The following VPS13B variants were observed in gnomAD, a reference collection of about 807,000 sequenced individuals.
The protein encoded by VPS13B is intermembrane lipid transfer protein VPS13B.
Under a neutral mutation model 426.4 loss-of-function variants are expected in VPS13B, and 285 were observed. That is an observed-to-expected ratio of 0.67 (90% CI 0.61 to 0.74). The LOEUF (loss-of-function observed/expected upper bound fraction) is 0.74, where lower values mean the gene tolerates loss of function less well. VPS13B is among the 30% of genes least tolerant of loss of function. The pLI, the probability that VPS13B is intolerant of heterozygous loss-of-function variation, is 0.00. For missense variants in VPS13B, 4,537 were observed against 4,782.6 expected (o/e 0.95, Z 1.51); for synonymous variants, 1,676 against 1,676.4 (o/e 1.00, Z 0.01).
In VPS13B at chr8:99,871,457, TCA is replaced by T; in HGVS notation, c.11506_11507del (p.Gln3836ValfsTer24). 1 of 1,614,168 alleles carries T rather than the reference TCA, an allele frequency of 6.2e-7. No homozygotes were observed. Among genetic ancestry groups the T allele is most frequent in the Non-Finnish European group, 8.5e-7 (1 of 1,180,034 alleles). On this transcript the variant is annotated frameshift_variant, in exon 61 of 62. Transcript: ENST00000357162. LOFTEE classifies it high-confidence loss of function. ...SHVKYVWKML[Q>X]SLGRPEVHMA... ...TTCTCCTTTTAAACAGGAAAATGCT[TCA>T]GTCTCTGGGCAGACCAGAAGTCCAC...
At chr8:99,659,041 C>T (rs1450458543) in intron 34 of VPS13B, among the ~76,000 whole-genome samples, 1 of 152,016 alleles carries the variant, frequency 6.6e-6, no homozygotes, top group Admixed American at 6.6e-5. Flanking sequence ...CACCATGTCA[C>T]CCAGGCTGAT....
At chr8:99,822,805 A>G (rs1814453346) in intron 50 of VPS13B, among the ~76,000 whole-genome samples, 1 of 152,228 alleles carries the variant, frequency 6.6e-6, no homozygotes, top group African/African-American at 2.4e-5. Flanking sequence ...AGAAACTTTT[A>G]AAACACAAGA....
intron 43 of VPS13B, 66 bp from the exon 44 acceptor site, chr8:99,809,307 CTT>C: frequency 6.2e-7 from 1 of 1,600,610 alleles, no homozygotes; most frequent in Non-Finnish European, 8.5e-7. Flanking sequence ...AGCAATGAGA[CTT>C]TCATTTTAGG....
chr8:99,078,229 TTA>T (rs893959563), intron 3 of VPS13B, among the ~76,000 whole-genome samples: 10 of 151,844 alleles, frequency 6.6e-5, no homozygotes, highest in Non-Finnish European at 1.5e-4. Flanking sequence ...CCTTGCTTTT[TTA>T]TGTTTCTTGT....
intron 26 of VPS13B, 128 bp downstream of exon 26, chr8:99,501,986 T>A (rs1411422066): frequency 1.7e-6 from 2 of 1,158,224 alleles, no homozygotes; most frequent in Admixed American, 2.0e-5. Context: ...TCCGTCTGTC[T>A]GTCTGTCTTT....
chr8:99,679,023 G>T (rs1831052347), intron 35 of VPS13B, among the ~76,000 whole-genome samples: 1 of 152,086 alleles, frequency 6.6e-6, no homozygotes, highest in Non-Finnish European at 1.5e-5. Flanking sequence ...TTTAAACCTT[G>T]CTGTTTTCTT....
intron 39 of VPS13B, among the ~76,000 whole-genome samples, chr8:99,742,156 C>T (rs1809767455): frequency 6.6e-6 from 1 of 152,052 alleles, no homozygotes; most frequent in Admixed American, 6.5e-5. Flanking sequence ...ACCACCGATC[C>T]CACAGAAATA....
intron 25 of VPS13B, among the ~76,000 whole-genome samples, chr8:99,491,670 G>A (rs572569325): frequency 6.6e-6 from 1 of 152,146 alleles, no homozygotes; most frequent in South Asian, 2.1e-4. Context: ...TGAAGCTTGT[G>A]CATGCATCAC....
At chr8:99,257,499 T>C (rs1035406721) in intron 17 of VPS13B, among the ~76,000 whole-genome samples, 1 of 152,196 alleles carries the variant, frequency 6.6e-6, no homozygotes, top group African/African-American at 2.4e-5. Context: ...TGTACTCATT[T>C]TTATTCCAGT....
chr8:99,848,724 C>T, intron 54 of VPS13B, 52 bp from the exon 55 acceptor site: 1 of 1,558,012 alleles, frequency 6.4e-7, no homozygotes, highest in South Asian at 1.1e-5. Flanking sequence ...CAAGCCACTT[C>T]AATAGTGTTT....
chr8:99,684,621 C>G (rs1831304360), intron 35 of VPS13B, among the ~76,000 whole-genome samples: 1 of 152,180 alleles, frequency 6.6e-6, no homozygotes, highest in South Asian at 2.1e-4. Flanking sequence ...TTACCATATA[C>G]TTTTCAAAAT....
At chr8:99,712,049 A>C (rs1334105968) in intron 36 of VPS13B, among the ~76,000 whole-genome samples, 1 of 152,250 alleles carries the variant, frequency 6.6e-6, no homozygotes, top group Non-Finnish European at 1.5e-5. Flanking sequence ...CTGAAATATT[A>C]GTTCAAGGGG....
chr8:99,875,939 A>G lies in VPS13B; in HGVS notation c.*273A>G, dbSNP rs2130991695. On this transcript the variant is annotated 3_prime_UTR_variant, in exon 62 of 62. Transcript: ENST00000357162. ...CAACAGTTTCCTTATTTACATCCTTACCTCTAAAAGATACTTCAAAGTGAC... is the reference window on the plus strand; with the variant it reads ...CAACAGTTTCCTTATTTACATCCTTGCCTCTAAAAGATACTTCAAAGTGAC... The G allele has an allele frequency of 4.1e-6, 2 of 485,412 alleles. No homozygotes were observed. The highest frequency in any genetic ancestry group is 2.2e-5 in the South Asian group (1 of 45,202). The allele number at this position is 485,412 out of a possible 1,614,324, so 30.1% of individuals were successfully genotyped here.
At chr8:99,486,496 G>A (rs765950026) in intron 25 of VPS13B, among the ~76,000 whole-genome samples, 6 of 152,294 alleles carry the variant, frequency 3.9e-5, no homozygotes, top group Non-Finnish European at 7.4e-5. Flanking sequence ...GATTACAGGC[G>A]TGAGCCATCC....
chr8:99,199,910 C>G (rs1418448441), intron 17 of VPS13B, among the ~76,000 whole-genome samples: 1 of 151,858 alleles, frequency 6.6e-6, no homozygotes, highest in Non-Finnish European at 1.5e-5. Flanking sequence ...TTGTACCACA[C>G]TATTTATTCC....
At chr8:99,867,867 G>C (rs1817185574) in intron 58 of VPS13B, among the ~76,000 whole-genome samples, 1 of 152,062 alleles carries the variant, frequency 6.6e-6, no homozygotes, top group African/African-American at 2.4e-5. Context: ...AGTTAGAAAG[G>C]GGCTAACCCC....
At position 99,066,775 on chromosome 8, in the gene VPS13B, G is replaced by A. The variant is rs966710509; in HGVS notation, c.291+28209G>A. On this transcript the variant is annotated intron_variant, in intron 3 of 61. Transcript: ENST00000357162. ...CCATCTGACAAAGGTCTAGTATCCA[G>A]AATCTGCAAAGAACTTAAACAAATT... is the stretch of plus-strand genomic sequence containing the variant. Among the ~76,000 whole-genome samples the A allele has an allele frequency of 8.5e-5, 13 of 152,274 alleles. No homozygotes were observed. In the East Asian group the frequency reaches 2.1e-3, roughly 25 times the overall value.
In VPS13B at chr8:99,057,777, A is replaced by C. The variant is rs79877364; in HGVS notation, c.291+19211A>C. Among the ~76,000 whole-genome samples the C allele has an allele frequency of 4.6e-5, 7 of 152,150 alleles. No homozygotes were observed. The East Asian group carries it at 1.4e-3, about 29-fold the overall frequency. ...AATTCCACTGTGTGCTTTCAATCCA[A>C]ACCAGGAACCCTGAGGTCGTCCTTA... On this transcript the variant is annotated intron_variant, in intron 3 of 61. Coordinates refer to ENST00000357162, the MANE Select transcript of VPS13B (RefSeq NM_152564.5).
At chr8:99,051,719 A>G (rs199720222) in intron 3 of VPS13B, among the ~76,000 whole-genome samples, 17 of 152,148 alleles carry the variant, frequency 1.1e-4, no homozygotes, top group African/African-American at 3.1e-4. Context: ...GCAGTGGTTT[A>G]TAGTTCTCCT....
Sources: gnomAD v4.1 joint callset for allele counts (sites outside exome capture counted in the v4.1 genomes callset) on GRCh38, gnomAD v4.1.1 for gene constraint, MANE v1.5 for transcripts, NCBI Gene and HGNC (gene_info 2026-07-23, HGNC 2026-07-21) for gene names.